The following CACNA1H variants were observed in gnomAD, a reference collection of about 807,000 sequenced individuals.
The protein encoded by CACNA1H is calcium voltage-gated channel subunit alpha1 H, also known as voltage-dependent T-type calcium channel subunit alpha-1H.
Under a neutral mutation model 192.5 loss-of-function variants are expected in CACNA1H, and 149 were observed. The ratio of observed to expected loss-of-function variants is 0.77; its 90% CI spans 0.68 to 0.89. The LOEUF (loss-of-function observed/expected upper bound fraction) is 0.89. CACNA1H is among the 40% of genes least tolerant of loss of function. The pLI, the probability that CACNA1H is intolerant of heterozygous loss-of-function variation, is 0.00. For missense variants in CACNA1H, 4,257 were observed against 3,423.5 expected (o/e 1.24, Z -6.08); for synonymous variants, 2,202 against 1,475.2 (o/e 1.49, Z -11.29).
At chr16:1,187,495 G>T (rs558053175) in intron 2 of CACNA1H, among the ~76,000 whole-genome samples, 1 of 152,256 alleles carries the variant, frequency 6.6e-6, no homozygotes, top group Non-Finnish European at 1.5e-5. Flanking sequence ...GGCTCAGGCC[G>T]CTTGTGCCCA....
At chr16:1,171,829 A>C (rs74004840) in intron 2 of CACNA1H, among the ~76,000 whole-genome samples, 22,865 of 152,232 alleles carry the variant, frequency 0.15, 4,941 homozygotes, top group African/African-American at 0.48. Flanking sequence ...TCCGAGCGCC[A>C]GCTGGGTCTG....
At chr16:1,162,724 C>T (rs570809113) in intron 2 of CACNA1H, among the ~76,000 whole-genome samples, 1 of 151,628 alleles carries the variant, frequency 6.6e-6, no homozygotes, top group African/African-American at 2.4e-5. Flanking sequence ...CTCTGGTGAG[C>T]AGGGAACAAG....
chr16:1,187,364 G>C (rs1966175730), intron 2 of CACNA1H, among the ~76,000 whole-genome samples: 1 of 152,220 alleles, frequency 6.6e-6, no homozygotes, highest in South Asian at 2.1e-4. Context: ...GGTTGCCTGT[G>C]ACCTCAGCTG....
In CACNA1H at chr16:1,198,868, C is replaced by T. The variant is rs952676194; in HGVS notation, c.803+94C>T. The T allele has an allele frequency of 9.9e-5, 126 of 1,278,976 alleles. No individual in the cohort carries two copies. The African/African-American group carries it at 1.6e-3, about 17-fold the overall frequency. 79.2% of individuals were successfully genotyped at this position (1,278,976 alleles called of 1,614,324 possible). A position where few individuals can be genotyped will look rare whatever the true frequency, so the allele number is the denominator to read the frequency against. The stretch of plus-strand genomic sequence containing the variant: ...TGTGGCTCCACCGCCCCACGTGGCT[C>T]TGCCCACCGTGCAGTCACCCGCCCC... On this transcript the variant is annotated intron_variant, in intron 6 of 34. Transcript: ENST00000348261.
rs1382851475 is a variant in CACNA1H, at chr16:1,153,149, G to T, written c.-340G>T. 1 of 143,912 alleles carries T rather than the reference G, an allele frequency of 6.9e-6. No homozygotes were observed. Among genetic ancestry groups the T allele is most frequent in the Non-Finnish European group, 1.5e-5 (1 of 64,764 alleles). The allele number at this position is 143,912 out of a possible 1,614,324, so 8.9% of individuals were successfully genotyped here. On this transcript the variant is annotated 5_prime_UTR_variant, in exon 1 of 35. Transcript: ENST00000348261. ...CCGCGCGCGGACGGGCTCGAGGCTC[G>T]CTCGCTGCCTCACCGGTCCCCGGCC...
In CACNA1H at chr16:1,202,116, C is replaced by G; in HGVS notation, c.1666C>G (p.Pro556Ala). Residue 556 changes from proline to alanine, a missense_variant, in exon 9 of 35, where the codon CCC becomes GCC. By Grantham distance (27) the Pro-to-Ala change is conservative. Coordinates refer to ENST00000348261, the MANE Select transcript of CACNA1H (RefSeq NM_021098.3). ...CDTRLVRAGA[P>A]PSPPSPGRGP... Reference sequence around the variant, plus strand: ...CACCAGGCTGGTCCGAGCTGGCGCGCCCCCCTCGCCACCTTCCCCAGGCCG... The same window carrying G: ...CACCAGGCTGGTCCGAGCTGGCGCGGCCCCCTCGCCACCTTCCCCAGGCCG... The G allele has an allele frequency of 6.5e-7, 1 of 1,546,164 alleles. No individual in the cohort carries two copies. The highest frequency in any genetic ancestry group is 1.2e-5 in the South Asian group (1 of 83,976).
rs983210416 is a variant in CACNA1H, at chr16:1,167,211, C to T, written c.299+13175C>T. ...CCTGACCTGCCCCGTGGGGATGAAACGGGCTCTTTGCGGGGGGCCTGTGGG... is the reference window on the plus strand; with the variant it reads ...CCTGACCTGCCCCGTGGGGATGAAATGGGCTCTTTGCGGGGGGCCTGTGGG... On this transcript the variant is annotated intron_variant, in intron 2 of 34. Transcript: ENST00000348261. The surrounding 1 kb of genome is among the most constrained non-coding windows in gnomAD (Gnocchi z 4.2). Among the ~76,000 whole-genome samples, 14 of 152,172 alleles carry T rather than the reference C, an allele frequency of 9.2e-5. No homozygotes were observed. Among genetic ancestry groups the T allele is most frequent in the African/African-American group, 2.7e-4 (11 of 41,464 alleles).
intron 10 of CACNA1H, among the ~76,000 whole-genome samples, chr16:1,204,770 T>G: frequency 9.3e-5 from 9 of 96,746 alleles, no homozygotes; most frequent in Non-Finnish European, 1.4e-4. Flanking sequence ...CGGGGAGGGG[T>G]GGGAGCCGTG....
At chr16:1,157,489 C>T (rs985610598) in intron 2 of CACNA1H, among the ~76,000 whole-genome samples, 1 of 152,124 alleles carries the variant, frequency 6.6e-6, no homozygotes, top group South Asian at 2.1e-4. Context: ...TCTGAACACT[C>T]GGCGCTGGGG....
rs1464882720 is a variant in CACNA1H at position 1,199,179 on chromosome 16, A to G, written c.803+405A>G. Among the ~76,000 whole-genome samples, 4 of 32,630 alleles carry G rather than the reference A, an allele frequency of 1.2e-4. No individual in the cohort carries two copies. In the Admixed American group the frequency reaches 1.5e-3, roughly 12 times the overall value. The allele number at this position is 32,630 out of a possible 152,430, so 21.4% of individuals were successfully genotyped here. On this transcript the variant is annotated intron_variant, in intron 6 of 34. Transcript: ENST00000348261. ...GTCGCTGCACATATGCCCCACCCCCATCATGGCTCCACCCACCGTGCGGTC... is the reference window on the plus strand; with the variant it reads ...GTCGCTGCACATATGCCCCACCCCCGTCATGGCTCCACCCACCGTGCGGTC...
chr16:1,172,120 C>T (rs897830376), intron 2 of CACNA1H, among the ~76,000 whole-genome samples: 5 of 152,072 alleles, frequency 3.3e-5, no homozygotes, highest in Non-Finnish European at 7.4e-5. Flanking sequence ...CTGGGGTGGA[C>T]GGGGCCCCGG....
chr16:1,214,309 A>C (rs909055611), intron 27 of CACNA1H, among the ~76,000 whole-genome samples: 3 of 152,170 alleles, frequency 2.0e-5, no homozygotes, highest in Non-Finnish European at 4.4e-5. Context: ...CAGCGGAAGG[A>C]CTTCGTCCTC....
chr16:1,195,832 G>A (rs935274303), intron 4 of CACNA1H, 94 bp from the exon 5 acceptor site: 22 of 1,055,872 alleles, frequency 2.1e-5, no homozygotes, highest in Admixed American at 1.2e-4. Flanking sequence ...CGGGCTGGCC[G>A]GTTCTATGCC....
intron 2 of CACNA1H, among the ~76,000 whole-genome samples, chr16:1,181,573 C>T (rs1174507970): frequency 6.6e-6 from 1 of 152,260 alleles, no homozygotes; most frequent in East Asian, 1.9e-4. Flanking sequence ...GGCACTTTTC[C>T]ACTCAATTAT....
chr16:1,164,180 T>C (rs74004821), intron 2 of CACNA1H, among the ~76,000 whole-genome samples: 19,569 of 152,138 alleles, frequency 0.13, 3,614 homozygotes, highest in African/African-American at 0.41. Flanking sequence ...CGTTCAGTTA[T>C]GTTTGGATTT....
At chr16:1,153,595 C>T (rs894201737) in intron 1 of CACNA1H, 125 bp downstream of exon 1, 4 of 478,620 alleles carry the variant, frequency 8.4e-6, no homozygotes, top group African/African-American at 4.2e-5. Flanking sequence ...GCGGGGGGCG[C>T]GTTTGTCTCT....
intron 2 of CACNA1H, among the ~76,000 whole-genome samples, chr16:1,161,221 C>T (rs1033175908): frequency 6.6e-6 from 1 of 152,180 alleles, no homozygotes. Context: ...CTGATGGGAG[C>T]GAAGCTGTTC....
chr16:1,212,800 C>T (rs757416224), intron 26 of CACNA1H, among the ~76,000 whole-genome samples: 3 of 152,238 alleles, frequency 2.0e-5, no homozygotes, highest in East Asian at 1.9e-4. Context: ...CACACCCCTG[C>T]AGGCTTGTGG....
Position 1,207,010 on chromosome 16 carries a change from C to G in CACNA1H, c.2799C>G (p.Gly933=), listed in dbSNP as rs1197775805. 6.3e-7 allele frequency: 1 copy of G among 1,583,476 alleles called. No individual in the cohort carries two copies. Among genetic ancestry groups the G allele is most frequent in the African/African-American group, 1.3e-5 (1 of 74,108 alleles). The change falls in exon 13 of 35, where the codon GGC becomes GGG. Residue 933 remains glycine (G), a synonymous_variant. Coordinates refer to ENST00000348261, the MANE Select transcript of CACNA1H (RefSeq NM_021098.3). ...CTGCCCCCACCCTCAGCATCCTGGG[C>G]ATGCACCTTTTCGGCTGCAAGTTCA... ...MLFIFIFSIL[G]MHLFGCKFSL...
Sources: allele counts gnomAD v4.1 joint callset (sites outside exome capture counted in the v4.1 genomes callset), GRCh38; gene constraint gnomAD v4.1.1; non-coding constraint Gnocchi (gnomAD v3.1); transcripts MANE v1.5; gene names NCBI Gene and HGNC (gene_info 2026-07-23, HGNC 2026-07-21).